TAFA2: variants seen among roughly 807,000 people sequenced by gnomAD.
The protein encoded by TAFA2 is TAFA chemokine like family member 2.
In TAFA2, 7 loss-of-function variants were observed where a neutral mutation model predicts 18.8. That is an observed-to-expected ratio of 0.37 (90% CI 0.21 to 0.70). The LOEUF is 0.70. Ranked by LOEUF, TAFA2 falls within the 30% of genes least tolerant of loss-of-function variation. The pLI, the probability that TAFA2 is intolerant of heterozygous loss-of-function variation, is 0.53. For synonymous variants in TAFA2, 60 were observed against 54.2 expected, an observed-to-expected ratio of 1.11 and a Z score of -0.47; for missense variants, 122 against 158.1, an observed-to-expected ratio of 0.77 and a Z score of 1.23.
At chr12:62,221,205 G>A (rs1276961165) in intron 1 of TAFA2, among the ~76,000 whole-genome samples, 2 of 117,204 alleles carry the variant, frequency 1.7e-5, no homozygotes, top group African/African-American at 7.0e-5. Flanking sequence ...AAGGAGGGAA[G>A]GAAGGAAGGG....
chr12:62,234,636 T>A (rs1445078518), intron 1 of TAFA2: 2 of 845,496 alleles, frequency 2.4e-6, no homozygotes, highest in East Asian at 4.8e-5. Flanking sequence ...GTGCTTGCAC[T>A]GGTGGCTAAC....
intron 1 of TAFA2, among the ~76,000 whole-genome samples, chr12:62,031,504 G>C (rs924367770): frequency 1.3e-5 from 2 of 151,898 alleles, no homozygotes; most frequent in African/African-American, 4.8e-5. Context: ...TATATGCATA[G>C]AGACACACAA....
intron 1 of TAFA2, among the ~76,000 whole-genome samples, chr12:62,138,371 G>T (rs552689160): frequency 6.6e-6 from 1 of 152,086 alleles, no homozygotes; most frequent in African/African-American, 2.4e-5. Context: ...TCCATGGTAT[G>T]TATTATCATT....
At chr12:62,122,021 G>A (rs1361714358) in intron 1 of TAFA2, among the ~76,000 whole-genome samples, 1 of 152,170 alleles carries the variant, frequency 6.6e-6, no homozygotes, top group Admixed American at 6.5e-5. Flanking sequence ...GCTAAATGAT[G>A]AGAACACATG....
At chr12:62,081,088 G>A (rs905635922) in intron 1 of TAFA2, among the ~76,000 whole-genome samples, 18 of 151,056 alleles carry the variant, frequency 1.2e-4, no homozygotes, top group African/African-American at 4.1e-4. Context: ...CCAGCTACTC[G>A]GGAGGCTGAG....
Position 61,922,894 on chromosome 12 carries a change from G to A in TAFA2, c.-1-55468C>T, listed in dbSNP as rs147145361. The stretch of plus-strand genomic sequence containing the variant: ...CAGCAATCTGAAGTCAACCTGGGAC[G>A]CTCGAGCTTGGTGGGGAGAGGGGCA... On this transcript the variant is annotated intron_variant, in intron 1 of 4. Transcript: ENST00000416284. Among the ~76,000 whole-genome samples, 415 of 152,236 alleles carry A rather than the reference G, an allele frequency of 2.7e-3. 3 individuals are homozygous for A. The highest frequency in any genetic ancestry group is 9.3e-3 in the African/African-American group (386 of 41,540).
chr12:61,773,769 A>C (rs933592457), intron 2 of TAFA2, among the ~76,000 whole-genome samples: 3 of 152,214 alleles, frequency 2.0e-5, no homozygotes, highest in Non-Finnish European at 4.4e-5. Flanking sequence ...AAACATTGGA[A>C]AAACCCTTCT....
At chr12:62,039,809 C>A (rs989141150) in intron 1 of TAFA2, among the ~76,000 whole-genome samples, 4 of 152,160 alleles carry the variant, frequency 2.6e-5, no homozygotes, top group African/African-American at 4.8e-5. Flanking sequence ...CAACCTGCAG[C>A]ATGCATACGA....
rs1299863047 is a variant in TAFA2 at position 61,973,413 on chromosome 12, TTAG to T, written c.-1-105990_-1-105988del. On this transcript the variant is annotated intron_variant, in intron 1 of 4. Transcript: ENST00000416284. ...TATTTAGATTTTTTTTTTTTTTTTT[TTAG>T]TTTTCATTACAACTTAGTTTATTTA... Among the ~76,000 whole-genome samples, 14 of 130,638 alleles carry T rather than the reference TTAG, an allele frequency of 1.1e-4. No homozygotes were observed. In the South Asian group the frequency reaches 1.2e-3, roughly 11 times the overall value. 85.7% of individuals were successfully genotyped at this position (130,638 alleles called of 152,430 possible).
At chr12:62,214,796 A>C (rs2136975036) in intron 1 of TAFA2, among the ~76,000 whole-genome samples, 1 of 152,312 alleles carries the variant, frequency 6.6e-6, no homozygotes, top group East Asian at 1.9e-4. Context: ...AACTGTGAGA[A>C]AGTGAATTTC....
At chr12:62,030,751 G>A (rs1476825112) in intron 1 of TAFA2, among the ~76,000 whole-genome samples, 1 of 152,050 alleles carries the variant, frequency 6.6e-6, no homozygotes, top group African/African-American at 2.4e-5. Flanking sequence ...GGAACATGAT[G>A]GGGTGGGACC....
At chr12:62,135,773 A>G (rs11174341) in intron 1 of TAFA2, 35,603 of 152,020 alleles carry the variant, frequency 0.23, 4,239 homozygotes, top group East Asian at 0.32. Context: ...AAAAAAAATC[A>G]TATTATGCAA....
chr12:62,173,628 C>T (rs1376523521), intron 1 of TAFA2, among the ~76,000 whole-genome samples: 2 of 152,212 alleles, frequency 1.3e-5, no homozygotes, highest in African/African-American at 4.8e-5. Flanking sequence ...GTATCTCCCA[C>T]ATGCCATGGA....
intron 1 of TAFA2, among the ~76,000 whole-genome samples, chr12:61,996,883 A>G (rs1213958311): frequency 6.6e-6 from 1 of 152,202 alleles, no homozygotes; most frequent in Non-Finnish European, 1.5e-5. Context: ...AGCATAGCAT[A>G]CTGTCAATCA....
At chr12:62,000,894 G>A (rs1350804528) in intron 1 of TAFA2, among the ~76,000 whole-genome samples, 1 of 152,202 alleles carries the variant, frequency 6.6e-6, no homozygotes, top group Admixed American at 6.5e-5. Context: ...ATAGGATGCA[G>A]AATAGTAATT....
intron 1 of TAFA2, among the ~76,000 whole-genome samples, chr12:62,176,282 T>A (rs1384480698): frequency 6.6e-6 from 1 of 152,192 alleles, no homozygotes; most frequent in Admixed American, 6.5e-5. Context: ...TTGTCATTAA[T>A]CAAAAAATTA....
At chr12:61,739,042 G>A (rs1406005753) in intron 4 of TAFA2, among the ~76,000 whole-genome samples, 5 of 152,028 alleles carry the variant, frequency 3.3e-5, no homozygotes, top group Non-Finnish European at 5.9e-5. Context: ...TGTTTTAAGT[G>A]TGTTACATAT....
intron 1 of TAFA2, among the ~76,000 whole-genome samples, chr12:62,137,543 C>T (rs1870947099): frequency 6.6e-6 from 1 of 152,106 alleles, no homozygotes; most frequent in Non-Finnish European, 1.5e-5. Context: ...TTCTTCATGG[C>T]TAAGTTTATG....
intron 2 of TAFA2, among the ~76,000 whole-genome samples, chr12:61,855,910 T>C (rs916597726): frequency 1.1e-4 from 16 of 151,836 alleles, no homozygotes; most frequent in African/African-American, 3.6e-4. Context: ...ACCAAAAAGA[T>C]AAAAGCATCA....
Sources: gnomAD v4.1 joint callset for allele counts (sites outside exome capture counted in the v4.1 genomes callset) on GRCh38, gnomAD v4.1.1 for gene constraint, MANE v1.5 for transcripts, NCBI Gene and HGNC (gene_info 2026-07-23, HGNC 2026-07-21) for gene names.